Variants in UBAC2 observed in about 807,000 individuals in gnomAD.
UBAC2 encodes the protein ubiquitin-associated domain-containing protein 2.
In UBAC2, 26 loss-of-function variants were observed where a neutral mutation model predicts 44.0. The observed-to-expected ratio is 0.59, with a 90% CI of 0.43 to 0.82. The LOEUF is 0.82. Among genes scored for constraint, UBAC2 ranks in the 40% least tolerant of loss-of-function variants. The pLI is 0.00. For synonymous variants in UBAC2, 155 were observed against 154.3 expected (o/e 1.00, Z -0.04); for missense variants, 329 against 419.4 (o/e 0.78, Z 1.88).
rs376253816 is a variant in UBAC2 at position 99,229,932 on chromosome 13, C to G, written c.32-8495C>G. 1.1e-4 allele frequency among the ~76,000 whole-genome samples: 17 copies of G among 152,312 alleles called. No individual in the cohort carries two copies. The East Asian group carries it at 2.1e-3, about 19-fold the overall frequency. On this transcript the variant is annotated intron_variant, in intron 1 of 8. Coordinates refer to ENST00000403766, the MANE Select transcript of UBAC2 (RefSeq NM_001144072.2). ...AGTTTGAACAGTGTTTGCCTTCTTC[C>G]TGTTGTGTAACTTATGGGGAGTATC...
chr13:99,379,427 C>T (rs1040371778), intron 8 of UBAC2, among the ~76,000 whole-genome samples: 7 of 152,226 alleles, frequency 4.6e-5, no homozygotes, highest in African/African-American at 1.7e-4. Flanking sequence ...TGCTTTGTCA[C>T]CACATTAAAA....
chr13:99,209,250 CA>C (rs1400848566), intron 1 of UBAC2, among the ~76,000 whole-genome samples: 2 of 152,184 alleles, frequency 1.3e-5, no homozygotes, highest in Non-Finnish European at 2.9e-5. Flanking sequence ...CACAGCCCCT[CA>C]AGGATTCACT....
At chr13:99,310,911 T>C (rs2044402760) in intron 4 of UBAC2, among the ~76,000 whole-genome samples, 1 of 152,204 alleles carries the variant, frequency 6.6e-6, no homozygotes, top group Non-Finnish European at 1.5e-5. Flanking sequence ...AGACCTCTGG[T>C]GCGATTGGCT....
rs536584766 is a variant in UBAC2 at position 99,242,270 on chromosome 13, G to A, written c.160-1562G>A. Reference sequence around the variant, plus strand: ...CTGCTGGGCACACCTCCCAGACGGGGTGGTGGCCGGGCAGAGGTGCCCCTC... The same window carrying A: ...CTGCTGGGCACACCTCCCAGACGGGATGGTGGCCGGGCAGAGGTGCCCCTC... On this transcript the variant is annotated intron_variant, in intron 2 of 8. Coordinates refer to ENST00000403766, the MANE Select transcript of UBAC2 (RefSeq NM_001144072.2). Among the ~76,000 whole-genome samples, 7 of 152,268 alleles carry A rather than the reference G, an allele frequency of 4.6e-5. No individual in the cohort carries two copies. In the East Asian group the frequency reaches 1.2e-3, roughly 25 times the overall value.
intron 4 of UBAC2, among the ~76,000 whole-genome samples, chr13:99,286,561 T>G (rs1249388171): frequency 6.6e-6 from 1 of 152,106 alleles, no homozygotes; most frequent in Non-Finnish European, 1.5e-5. Context: ...ATGGGTAAAT[T>G]GTGTGTCACT....
rs531158552 is a variant in UBAC2 at position 99,243,650 on chromosome 13, G to A, written c.160-182G>A. Among the ~76,000 whole-genome samples the A allele has an allele frequency of 3.9e-5, 6 of 152,158 alleles. No homozygotes were observed. In the East Asian group the frequency reaches 1.2e-3, roughly 29 times the overall value. On this transcript the variant is annotated intron_variant, in intron 2 of 8. Coordinates refer to ENST00000403766, the MANE Select transcript of UBAC2 (RefSeq NM_001144072.2). ...GTACCTTTCGTGCCACTGTTGGGAGGAATTTTTACTATGAGAGACTTGAGC... is the reference window on the plus strand; with the variant it reads ...GTACCTTTCGTGCCACTGTTGGGAGAAATTTTTACTATGAGAGACTTGAGC...
At chr13:99,342,976 G>A (rs1344055220) in intron 7 of UBAC2, among the ~76,000 whole-genome samples, 7 of 152,226 alleles carry the variant, frequency 4.6e-5, no homozygotes, top group African/African-American at 1.7e-4. Flanking sequence ...CCATTTGGCT[G>A]TTTTCCCCTC....
intron 6 of UBAC2, among the ~76,000 whole-genome samples, chr13:99,334,911 A>C (rs2044765051): frequency 6.6e-6 from 1 of 152,208 alleles, no homozygotes; most frequent in Admixed American, 6.5e-5. Flanking sequence ...ACACAAAAAA[A>C]GCCTGAAATT....
chr13:99,285,166 A>T lies in UBAC2; in HGVS notation c.390-28931A>T, dbSNP rs2044001936. On this transcript the variant is annotated intron_variant, in intron 4 of 8. Coordinates refer to ENST00000403766, the MANE Select transcript of UBAC2 (RefSeq NM_001144072.2). ...ATTCTGTAATATTATTTACTACTGA[A>T]ACTACTGTTTCCACATTTATCCTAT... is the stretch of plus-strand genomic sequence containing the variant. Among the ~76,000 whole-genome samples, 6 of 152,204 alleles carry T rather than the reference A, an allele frequency of 3.9e-5. No homozygotes were observed. The South Asian group carries it at 1.2e-3, about 32-fold the overall frequency.
intron 1 of UBAC2, among the ~76,000 whole-genome samples, chr13:99,208,451 G>T (rs1311744914): frequency 1.3e-5 from 2 of 152,182 alleles, no homozygotes; most frequent in African/African-American, 4.8e-5. Flanking sequence ...AGGTTCTCAG[G>T]ATTCAATAGG....
At chr13:99,343,273 G>A (rs1293288798) in intron 7 of UBAC2, among the ~76,000 whole-genome samples, 1 of 150,680 alleles carries the variant, frequency 6.6e-6, no homozygotes, top group Non-Finnish European at 1.5e-5. Context: ...GTTTATGCAA[G>A]TGGGATTCTT....
intron 8 of UBAC2, 141 bp downstream of exon 8, chr13:99,368,047 CTT>C: frequency 4.8e-6 from 5 of 1,041,288 alleles, no homozygotes; most frequent in Non-Finnish European, 6.6e-6. Flanking sequence ...ATGATAGAGA[CTT>C]TGGGCTTTTT....
At chr13:99,272,866 G>C (rs1046576752) in intron 4 of UBAC2, among the ~76,000 whole-genome samples, 5 of 152,118 alleles carry the variant, frequency 3.3e-5, no homozygotes, top group African/African-American at 1.2e-4. Context: ...TATTGTGTGT[G>C]TATGTGTACA....
At chr13:99,280,204 GT>G (rs1350022391) in intron 4 of UBAC2, among the ~76,000 whole-genome samples, 1 of 152,066 alleles carries the variant, frequency 6.6e-6, no homozygotes, top group Non-Finnish European at 1.5e-5. Flanking sequence ...TCCTCCTGCT[GT>G]TTTATAAAGT....
chr13:99,241,279 A>AG (rs1335594678), intron 2 of UBAC2, among the ~76,000 whole-genome samples: 5 of 151,380 alleles, frequency 3.3e-5, no homozygotes, highest in South Asian at 2.1e-4. Flanking sequence ...AAAAAAAAAA[A>AG]AAAAGAAAAG....
At chr13:99,238,280 A>G (rs2043262361) in intron 1 of UBAC2, 147 bp from the exon 2 acceptor site, 1 of 1,021,572 alleles carries the variant, frequency 9.8e-7, no homozygotes, top group Non-Finnish European at 1.4e-6. Context: ...CGATGTTTTG[A>G]AAGTGGATAT....
At chr13:99,355,558 C>T (rs1038699071) in intron 7 of UBAC2, among the ~76,000 whole-genome samples, 6 of 152,246 alleles carry the variant, frequency 3.9e-5, no homozygotes, top group African/African-American at 1.4e-4. Flanking sequence ...CTCACCACCA[C>T]CTCCTCCTCA....
intron 7 of UBAC2, 47 bp from the exon 8 acceptor site, chr13:99,367,740 A>G: frequency 6.2e-7 from 1 of 1,613,178 alleles, no homozygotes; most frequent in African/African-American, 1.3e-5. Context: ...CATTATGATG[A>G]TTCTGCTCCT....
chr13:99,346,222 T>G (rs2044977927), intron 7 of UBAC2, among the ~76,000 whole-genome samples: 1 of 152,208 alleles, frequency 6.6e-6, no homozygotes, highest in Admixed American at 6.5e-5. Context: ...CTCCTTGATG[T>G]AAGTCCGTCA....
Sources: allele counts gnomAD v4.1 joint callset (sites outside exome capture counted in the v4.1 genomes callset), GRCh38; gene constraint gnomAD v4.1.1; transcripts MANE v1.5; gene names NCBI Gene and HGNC (gene_info 2026-07-23, HGNC 2026-07-21).